The following FAM193A variants were observed in gnomAD, a reference collection of about 807,000 sequenced individuals.
FAM193A encodes family with sequence similarity 193 member A.
In FAM193A, 22 loss-of-function variants were observed where a neutral mutation model predicts 126.5. The observed-to-expected ratio is 0.17, with a 90% CI of 0.12 to 0.25. The LOEUF (loss-of-function observed/expected upper bound fraction) is 0.25, where lower values mean the gene tolerates loss of function less well. Among genes scored for constraint, FAM193A ranks in the 10% least tolerant of loss-of-function variants. The pLI, the probability that FAM193A is intolerant of heterozygous loss-of-function variation, is 1.00. For synonymous variants in FAM193A, 761 were observed against 646.8 expected, an observed-to-expected ratio of 1.18 and a Z score of -2.68; for missense variants, 1,675 against 1,672.8, an observed-to-expected ratio of 1.00 and a Z score of -0.02.
intron 2 of FAM193A, among the ~76,000 whole-genome samples, chr4:2,621,085 G>C (rs1326552594): frequency 6.6e-6 from 1 of 152,094 alleles, no homozygotes; most frequent in Non-Finnish European, 1.5e-5. Flanking sequence ...GTGCTGGAGA[G>C]TGCGTGCCTC....
intron 2 of FAM193A, among the ~76,000 whole-genome samples, chr4:2,607,138 T>C (rs751528495): frequency 1.1e-4 from 16 of 152,226 alleles, no homozygotes; most frequent in Non-Finnish European, 2.2e-4. Context: ...GCTCTGTGTA[T>C]ACTTCCCACT....
intron 1 of FAM193A, among the ~76,000 whole-genome samples, chr4:2,580,798 A>G (rs1259470261): frequency 6.6e-6 from 1 of 152,248 alleles, no homozygotes; most frequent in African/African-American, 2.4e-5. Context: ...TATAGCCTAC[A>G]GAACTGTAAG....
At chr4:2,616,972 C>T (rs1484790518) in intron 2 of FAM193A, among the ~76,000 whole-genome samples, 3 of 145,910 alleles carry the variant, frequency 2.1e-5, no homozygotes, top group African/African-American at 7.4e-5. Flanking sequence ...AGTTCGAGAC[C>T]AGCTTGAGCA....
At position 2,638,086 on chromosome 4, in the gene FAM193A, G is replaced by A. The variant is rs115894395; in HGVS notation, c.1039-1649G>A. Among the ~76,000 whole-genome samples the A allele has an allele frequency of 2.9e-3, 441 of 152,338 alleles. 3 individuals carry two copies. Among genetic ancestry groups the A allele is most frequent in the Middle Eastern group, 0.02 (6 of 294 alleles). On this transcript the variant is annotated intron_variant, in intron 5 of 20. Coordinates refer to ENST00000637812, the MANE Select transcript of FAM193A (RefSeq NM_001366318.2). ...GCAGGTGGAAATGGCTATCCCAGAG[G>A]TTTCCAAGGGAGGCCAGGCAAAGCC...
At position 2,571,196 on chromosome 4, in the gene FAM193A, G is replaced by A. The variant is rs139305686; in HGVS notation, c.256-24888G>A. Among the ~76,000 whole-genome samples, 13 of 152,224 alleles carry A rather than the reference G, an allele frequency of 8.5e-5. No individual in the cohort carries two copies. In the East Asian group the frequency reaches 1.5e-3, roughly 18 times the overall value. On this transcript the variant is annotated intron_variant, in intron 1 of 20. Transcript: ENST00000637812. ...GCTTTGTCTTTAGTTCACATTTCCC[G>A]TAAGTGGACCAAATTATGTTTTTAT...
intron 1 of FAM193A, among the ~76,000 whole-genome samples, chr4:2,592,982 T>C (rs556162207): frequency 1.3e-5 from 2 of 152,250 alleles, no homozygotes; most frequent in East Asian, 3.9e-4. Flanking sequence ...AGGAGGATAT[T>C]GCCTCAGTTG....
chr4:2,725,993 A>G (rs1487152556), intron 20 of FAM193A, among the ~76,000 whole-genome samples: 1 of 151,982 alleles, frequency 6.6e-6, no homozygotes, highest in African/African-American at 2.4e-5. Context: ...CCGCCTCCCA[A>G]GTTCACGCCA....
In FAM193A at chr4:2,646,733, C is replaced by G. The variant is rs1360362619; in HGVS notation, c.1212C>G (p.Thr404=). The part of the protein sequence containing the change: ...HDTCSEDTYS[T]LLQRYQRSEE... ...CCTGCAGTGAGGACACATACAGTAC[C>G]TTGCTGCAGAGGTACCAGCGTTCCG... The change falls in exon 7 of 21, where the codon ACC becomes ACG. Residue 404 remains threonine, a synonymous_variant. Transcript: ENST00000637812. 1 of 1,613,982 alleles carries G rather than the reference C, an allele frequency of 6.2e-7. No individual in the cohort carries two copies. Among genetic ancestry groups the G allele is most frequent in the African/African-American group, 1.3e-5 (1 of 74,942 alleles).
chr4:2,678,692 A>ATG (rs1577190552), intron 13 of FAM193A, among the ~76,000 whole-genome samples: 1 of 152,214 alleles, frequency 6.6e-6, no homozygotes, highest in South Asian at 2.1e-4. Flanking sequence ...GCTGTCGTGA[A>ATG]TGGAATTGTT....
chr4:2,580,818 C>T (rs1362775103), intron 1 of FAM193A, among the ~76,000 whole-genome samples: 1 of 152,200 alleles, frequency 6.6e-6, no homozygotes, highest in East Asian at 1.9e-4. Flanking sequence ...GCCAAATAAA[C>T]CTCTGTTCTT....
At chr4:2,629,425 T>A (rs967738392) in intron 4 of FAM193A, among the ~76,000 whole-genome samples, 1 of 152,224 alleles carries the variant, frequency 6.6e-6, no homozygotes, top group Admixed American at 6.5e-5. Context: ...AATGTCTGTC[T>A]GAAATATACT....
chr4:2,669,037 T>G (rs1421175655), intron 12 of FAM193A, among the ~76,000 whole-genome samples: 1 of 151,928 alleles, frequency 6.6e-6, no homozygotes, highest in Non-Finnish European at 1.5e-5. Flanking sequence ...GAGATGACAT[T>G]TCGCCATGTT....
chr4:2,630,847 T>C (rs1021609801), intron 4 of FAM193A, 88 bp from the exon 5 acceptor site: 2 of 725,796 alleles, frequency 2.8e-6, no homozygotes, highest in Admixed American at 2.4e-5. Context: ...TGGCCACCTG[T>C]GGAAGGGCTT....
At chr4:2,727,744 C>G (rs1005266700) in intron 20 of FAM193A, among the ~76,000 whole-genome samples, 1 of 152,016 alleles carries the variant, frequency 6.6e-6, no homozygotes, top group African/African-American at 2.4e-5. Flanking sequence ...GACATAAATC[C>G]TTTTTTACTG....
chr4:2,627,403 C>G (rs1253738490), intron 4 of FAM193A, among the ~76,000 whole-genome samples: 1 of 129,994 alleles, frequency 7.7e-6, no homozygotes, highest in Non-Finnish European at 1.8e-5. Context: ...CCTGCCTTGA[C>G]CTCCCAAAGT....
intron 18 of FAM193A, among the ~76,000 whole-genome samples, chr4:2,699,233 C>T (rs941980444): frequency 1.2e-4 from 18 of 152,290 alleles, no homozygotes; most frequent in African/African-American, 4.1e-4. Flanking sequence ...GCTCAGAGTT[C>T]TGGCGGCACG....
chr4:2,546,028 A>G (rs976198956), intron 1 of FAM193A, among the ~76,000 whole-genome samples: 1 of 152,050 alleles, frequency 6.6e-6, no homozygotes, highest in Non-Finnish European at 1.5e-5. Context: ...GGCGCCTGTA[A>G]TCATAGCTAC....
chr4:2,552,647 C>T (rs543051730), intron 1 of FAM193A, among the ~76,000 whole-genome samples: 7 of 152,068 alleles, frequency 4.6e-5, no homozygotes, highest in South Asian at 2.1e-4. Flanking sequence ...ATGCCATTCT[C>T]CTGCCTCAGC....
intron 3 of FAM193A, among the ~76,000 whole-genome samples, chr4:2,626,182 C>T (rs1052254630): frequency 6.6e-6 from 1 of 152,112 alleles, no homozygotes; most frequent in Non-Finnish European, 1.5e-5. Context: ...TGGACATTAG[C>T]CACAGATGCT....
Sources: gnomAD v4.1 joint callset for allele counts (sites outside exome capture counted in the v4.1 genomes callset) on GRCh38, gnomAD v4.1.1 for gene constraint, MANE v1.5 for transcripts, NCBI Gene and HGNC (gene_info 2026-07-23, HGNC 2026-07-21) for gene names.